Variants in LHFPL6 observed in about 807,000 individuals in gnomAD.
LHFPL6 encodes the protein LHFPL tetraspan subfamily member 6 protein.
LHFPL6 carries 9 observed loss-of-function variants against 20.6 expected under a neutral mutation model. The observed-to-expected ratio is 0.44, with a 90% CI of 0.26 to 0.76. LHFPL6 has a LOEUF of 0.76. Ranked by LOEUF, LHFPL6 falls within the 30% of genes least tolerant of loss-of-function variation. The pLI, the probability that LHFPL6 is intolerant of heterozygous loss-of-function variation, is 0.20. For synonymous variants in LHFPL6, 105 were observed against 98.7 expected (o/e 1.06, Z -0.38); for missense variants, 218 against 253.5 (o/e 0.86, Z 0.95).
chr13:39,531,852 G>A (rs1870477091), intron 2 of LHFPL6, among the ~76,000 whole-genome samples: 2 of 152,070 alleles, frequency 1.3e-5, no homozygotes. Flanking sequence ...GGAGAGTCAT[G>A]GGGGAAAAGG....
At chr13:39,396,732 G>C (rs59279722) in intron 2 of LHFPL6, among the ~76,000 whole-genome samples, 20,685 of 152,134 alleles carry the variant, frequency 0.14, 1,486 homozygotes, top group South Asian at 0.21. Flanking sequence ...ATAAGTCAAG[G>C]CTGCAGTAAA....
At chr13:39,485,178 C>T (rs149125840) in intron 2 of LHFPL6, among the ~76,000 whole-genome samples, 405 of 152,110 alleles carry the variant, frequency 2.7e-3, no homozygotes, top group African/African-American at 8.8e-3. Flanking sequence ...GATAAATCAG[C>T]GGGAAAAATC....
At position 39,418,770 on chromosome 13, in the gene LHFPL6, C is replaced by G. The variant is rs142592909; in HGVS notation, c.386-40244G>C. ...TCTTATCTTTGACAAAATTAAACAG[C>G]TTTGCCTTTCCTATCTTCTACTCTA... On this transcript the variant is annotated intron_variant, in intron 2 of 3. Transcript: ENST00000379589. Among the ~76,000 whole-genome samples, 30 of 152,284 alleles carry G rather than the reference C, an allele frequency of 2.0e-4. No homozygotes were observed. The East Asian group carries it at 5.6e-3, about 28-fold the overall frequency.
At chr13:39,459,733 G>A (rs1872648714) in intron 2 of LHFPL6, among the ~76,000 whole-genome samples, 1 of 152,142 alleles carries the variant, frequency 6.6e-6, no homozygotes, top group African/African-American at 2.4e-5. Flanking sequence ...TGACAAGACA[G>A]CCTGAGGGTC....
chr13:39,538,122 T>C (rs58662524), intron 2 of LHFPL6, among the ~76,000 whole-genome samples: 14,437 of 151,280 alleles, frequency 0.095, 848 homozygotes, highest in East Asian at 0.29. Context: ...CCCAAGTAGA[T>C]GGGACAACAG....
chr13:39,463,216 T>C (rs1459708818), intron 2 of LHFPL6, among the ~76,000 whole-genome samples: 1 of 152,172 alleles, frequency 6.6e-6, no homozygotes, highest in African/African-American at 2.4e-5. Context: ...ATGTTTGGTA[T>C]GAGTCTGGTC....
intron 3 of LHFPL6, among the ~76,000 whole-genome samples, chr13:39,369,270 C>G (rs1312767937): frequency 6.6e-6 from 1 of 152,054 alleles, no homozygotes; most frequent in African/African-American, 2.4e-5. Context: ...CTGCAAGCCA[C>G]TGAATGAAGC....
At chr13:39,585,156 G>A (rs187388491) in intron 2 of LHFPL6, among the ~76,000 whole-genome samples, 199 of 152,310 alleles carry the variant, frequency 1.3e-3, no homozygotes, top group African/African-American at 4.6e-3. Flanking sequence ...TGGCATTAGA[G>A]GCATGTGCTT....
At chr13:39,579,419 A>T (rs1462218902) in intron 2 of LHFPL6, among the ~76,000 whole-genome samples, 1 of 152,208 alleles carries the variant, frequency 6.6e-6, no homozygotes, top group Non-Finnish European at 1.5e-5. Context: ...GCATGCTTCC[A>T]TGACATAGAG....
At chr13:39,451,700 T>C (rs1305722028) in intron 2 of LHFPL6, among the ~76,000 whole-genome samples, 1 of 152,240 alleles carries the variant, frequency 6.6e-6, no homozygotes, top group South Asian at 2.1e-4. Context: ...GTCTCTACTG[T>C]TAATATTTTC....
intron 2 of LHFPL6, among the ~76,000 whole-genome samples, chr13:39,575,020 G>A (rs1003256000): frequency 2.6e-5 from 4 of 151,952 alleles, no homozygotes; most frequent in Non-Finnish European, 5.9e-5. Context: ...GCAGTGAGCC[G>A]AGATAGCGCT....
intron 2 of LHFPL6, among the ~76,000 whole-genome samples, chr13:39,564,801 T>C (rs1329164139): frequency 6.6e-6 from 1 of 152,242 alleles, no homozygotes; most frequent in Admixed American, 6.5e-5. Context: ...CAATGAGCTA[T>C]GTTCTTCTGA....
intron 2 of LHFPL6, among the ~76,000 whole-genome samples, chr13:39,599,814 T>C (rs555614332): frequency 3.9e-5 from 6 of 152,362 alleles, no homozygotes; most frequent in Admixed American, 2.0e-4. Flanking sequence ...CATTTTTAAT[T>C]CATTTTTCTT....
intron 2 of LHFPL6, among the ~76,000 whole-genome samples, chr13:39,562,292 T>C (rs1871506898): frequency 6.7e-6 from 1 of 150,372 alleles, no homozygotes; most frequent in Non-Finnish European, 1.5e-5. Context: ...AAATAAAGAG[T>C]AATCCTCTTC....
At chr13:39,452,027 A>G (rs781223384) in intron 2 of LHFPL6, among the ~76,000 whole-genome samples, 2 of 152,188 alleles carry the variant, frequency 1.3e-5, no homozygotes, top group African/African-American at 4.8e-5. Flanking sequence ...ATCTTCATCA[A>G]GGCCCAAGAG....
At position 39,572,382 on chromosome 13, in the gene LHFPL6, G is replaced by A. The variant is rs143227301; in HGVS notation, c.385+28450C>T. The stretch of plus-strand genomic sequence containing the variant: ...GACCTCTTTCCAGAAACATATACAC[G>A]TACACAAATGCAGGGCCCAGACATA... On this transcript the variant is annotated intron_variant, in intron 2 of 3. Coordinates refer to ENST00000379589, the MANE Select transcript of LHFPL6 (RefSeq NM_005780.3). Among the ~76,000 whole-genome samples, 44 of 146,094 alleles carry A rather than the reference G, an allele frequency of 3.0e-4. 1 individual carries two copies. In the East Asian group the frequency reaches 8.6e-3, roughly 29 times the overall value.
At chr13:39,594,433 G>T (rs1196483237) in intron 2 of LHFPL6, among the ~76,000 whole-genome samples, 1 of 152,200 alleles carries the variant, frequency 6.6e-6, no homozygotes, top group Non-Finnish European at 1.5e-5. Flanking sequence ...TCTCATACCA[G>T]TTAGAATGGC....
chr13:39,359,097 T>A (rs1368635145), intron 3 of LHFPL6, among the ~76,000 whole-genome samples: 1 of 151,638 alleles, frequency 6.6e-6, no homozygotes, highest in African/African-American at 2.4e-5. Context: ...GGGAGGCGGA[T>A]GTTTCAGTGA....
intron 2 of LHFPL6, among the ~76,000 whole-genome samples, chr13:39,444,642 C>G (rs1872236922): frequency 6.6e-6 from 1 of 152,176 alleles, no homozygotes; most frequent in Non-Finnish European, 1.5e-5. Context: ...ACCTGCCACT[C>G]CACAGGGTAC....
Sources: gnomAD v4.1 joint callset for allele counts (sites outside exome capture counted in the v4.1 genomes callset) on GRCh38, gnomAD v4.1.1 for gene constraint, MANE v1.5 for transcripts, NCBI Gene and HGNC (gene_info 2026-07-23, HGNC 2026-07-21) for gene names.